The following OAS2 variants were observed in gnomAD, a reference collection of about 807,000 sequenced individuals.
OAS2 encodes the protein 2'-5'-oligoadenylate synthetase 2.
In OAS2, 67 loss-of-function variants were observed where a neutral mutation model predicts 71.3. The ratio of observed to expected loss-of-function variants is 0.94; its 90% CI spans 0.77 to 1.15. The LOEUF (loss-of-function observed/expected upper bound fraction) is 1.15, where lower values mean the gene tolerates loss of function less well. Ranked by LOEUF, OAS2 falls within the 50% of genes most tolerant of loss-of-function variation. The probability of loss-of-function intolerance (pLI) is 0.00; values close to 1 mark genes in which losing one functional copy is unlikely to be tolerated. For synonymous variants in OAS2, 327 were observed against 321.8 expected (o/e 1.02, Z -0.17); for missense variants, 789 against 822.5 (o/e 0.96, Z 0.50).
In OAS2 at chr12:112,987,318, G is replaced by A. The variant is rs372778921; in HGVS notation, c.448+10G>A. 1.2e-6 allele frequency: 2 copies of A among 1,613,974 alleles called. No homozygotes were observed. The highest frequency in any genetic ancestry group is 2.7e-5 in the African/African-American group (2 of 74,910). ...GCCTTCAACGCTCTGAGTAAGCATTGCTGGGTGTCAGGAGAGAAAAGCCAA... is the reference window on the plus strand; with the variant it reads ...GCCTTCAACGCTCTGAGTAAGCATTACTGGGTGTCAGGAGAGAAAAGCCAA... On this transcript the variant is annotated intron_variant, in intron 2 of 9. Transcript: ENST00000392583.
chr12:113,007,232 C>T (rs1227158404), intron 8 of OAS2, among the ~76,000 whole-genome samples: 1 of 152,216 alleles, frequency 6.6e-6, no homozygotes, highest in African/African-American at 2.4e-5. Context: ...TGTCCAGCTC[C>T]CTGAAATGTG....
intron 1 of OAS2, among the ~76,000 whole-genome samples, chr12:112,981,245 GT>G (rs1401330908): frequency 6.6e-6 from 1 of 151,700 alleles, no homozygotes; most frequent in East Asian, 1.9e-4. Context: ...TCTATTTTTT[GT>G]TTTTGTTGCC....
At chr12:112,987,477 T>G (rs1293766) in intron 2 of OAS2, 169 bp downstream of exon 2, 261,928 of 1,445,176 alleles carry the variant, frequency 0.18, 25,850 homozygotes, top group East Asian at 0.38. Flanking sequence ...CGCTCTCTTC[T>G]CTGGAACTAA....
rs1401415439 is a variant in OAS2, at chr12:113,011,347, C to A, written c.*2092C>A. 6.6e-6 allele frequency: 1 copy of A among 152,150 alleles called. No homozygotes were observed. The highest frequency in any genetic ancestry group is 1.5e-5 in the Non-Finnish European group (1 of 68,048). The allele number at this position is 152,150 out of a possible 1,614,324, so 9.4% of individuals were successfully genotyped here. ...TGCTAACAAGGTTACCCATGGTGGG[C>A]CCTTAGTTTCAAGGAAGGAGTTGGC... On this transcript the variant is annotated 3_prime_UTR_variant, in exon 10 of 10. Transcript: ENST00000392583.
In OAS2 at chr12:113,010,360, G is replaced by GT. The variant is rs2044369788; in HGVS notation, c.*1110dup. 2 of 1,608,752 alleles carry GT rather than the reference G, an allele frequency of 1.2e-6. No individual in the cohort carries two copies. Among genetic ancestry groups the GT allele is most frequent in the East Asian group, 4.5e-5 (2 of 44,768 alleles). ...TAGGAGACATTGCTCTCCCACGTAT[G>GT]TTTTTCTTTTTAGACAATGCAGACA... On this transcript the variant is annotated 3_prime_UTR_variant, in exon 10 of 10. Coordinates refer to ENST00000392583, the MANE Select transcript of OAS2 (RefSeq NM_002535.3).
chr12:112,992,675 G>C (rs2044202217), intron 2 of OAS2, among the ~76,000 whole-genome samples: 1 of 152,142 alleles, frequency 6.6e-6, no homozygotes, highest in African/African-American at 2.4e-5. Flanking sequence ...AGGTGGCCTG[G>C]CTTGGGGAAA....
intron 5 of OAS2, among the ~76,000 whole-genome samples, chr12:113,000,587 A>T (rs2044274973): frequency 6.6e-6 from 1 of 151,226 alleles, no homozygotes; most frequent in South Asian, 2.1e-4. Flanking sequence ...ACGCACACAC[A>T]TACATGCATA....
Position 113,007,695 on chromosome 12 carries a change from T to C in OAS2, c.1657-10T>C, listed in dbSNP as rs1314950644. 6.2e-6 allele frequency: 10 copies of C among 1,611,994 alleles called. No individual in the cohort carries two copies. The highest frequency in any genetic ancestry group is 1.1e-5 in the South Asian group (1 of 90,880). On this transcript the variant is annotated splice_polypyrimidine_tract_variant and intron_variant, in intron 8 of 9. Transcript: ENST00000392583. ...TAACCAGTTCGTCTGATGTTCCCACTCTTACCTAGTGTGAAAGGAAACTGA... is the reference window on the plus strand; with the variant it reads ...TAACCAGTTCGTCTGATGTTCCCACCCTTACCTAGTGTGAAAGGAAACTGA...
intron 2 of OAS2, among the ~76,000 whole-genome samples, chr12:112,994,221 C>T (rs2044216410): frequency 6.6e-6 from 1 of 152,088 alleles, no homozygotes; most frequent in Admixed American, 6.5e-5. Flanking sequence ...TTCTTCCCTG[C>T]TATATAGAAC....
chr12:112,988,345 G>A (rs757195422), intron 2 of OAS2: 7 of 481,726 alleles, frequency 1.5e-5, no homozygotes, highest in Admixed American at 6.4e-5. Flanking sequence ...ACACAGCCAC[G>A]TGGTGGAAGA....
In OAS2 at chr12:113,009,119, G is replaced by A; in HGVS notation, c.1928G>A (p.Gly643Asp). 6.2e-7 allele frequency: 1 copy of A among 1,613,938 alleles called. No individual in the cohort carries two copies. The highest frequency in any genetic ancestry group is 2.2e-5 in the East Asian group (1 of 44,890). ...ATCTTGGACCCAGCCGAACCCACAG[G>A]TGACGTGGGTGGAGGGGACCGTTGG... ...PVILDPAEPTGDVGGGDRWCW... is the reference protein window; with the variant it reads ...PVILDPAEPTDDVGGGDRWCW... Residue 643 changes from glycine to aspartate, a missense_variant, in exon 10 of 10, where the codon GGT (glycine) becomes GAT (aspartate). Gly to Asp is a moderately conservative substitution (Grantham distance 94). Coordinates refer to ENST00000392583, the MANE Select transcript of OAS2 (RefSeq NM_002535.3).
At chr12:113,007,613 A>G in intron 8 of OAS2, 92 bp from the exon 9 acceptor site, 1 of 1,014,274 alleles carries the variant, frequency 9.9e-7, no homozygotes, top group Non-Finnish European at 1.5e-6. Context: ...CCAGCACGAC[A>G]CTGTGACTCA....
At chr12:112,996,380 G>A (rs184947209) in intron 3 of OAS2, among the ~76,000 whole-genome samples, 114 of 152,230 alleles carry the variant, frequency 7.5e-4, no homozygotes, top group African/African-American at 2.4e-3. Context: ...ACATATATGC[G>A]TGTAAATATA....
chr12:112,989,405 A>G (rs1163045065), intron 2 of OAS2, among the ~76,000 whole-genome samples: 1 of 152,218 alleles, frequency 6.6e-6, no homozygotes, highest in African/African-American at 2.4e-5. Context: ...AATACATTTT[A>G]GGGAGACATG....
Position 112,997,438 on chromosome 12 carries a change from C to A in OAS2, c.628-82C>A. The A allele has an allele frequency of 4.3e-6, 5 of 1,149,450 alleles. No individual in the cohort carries two copies. The South Asian group carries it at 5.8e-5, about 13-fold the overall frequency. 71.2% of individuals were successfully genotyped at this position (1,149,450 alleles called of 1,614,324 possible). On this transcript the variant is annotated intron_variant, in intron 3 of 9. Transcript: ENST00000392583. ...GCAAAGGACAATGACTTCCTGTAGA[C>A]CTCTGGTTTCTTGATTTCAGATCCC... is the stretch of plus-strand genomic sequence containing the variant.
Position 112,987,107 on chromosome 12 carries a change from G to C in OAS2, c.247G>C (p.Asp83His), listed in dbSNP as rs186455313. Residue 83 changes from aspartate to histidine, a missense_variant, in exon 2 of 10, where the codon GAC (aspartate) becomes CAC (histidine). Physicochemically the swap from Asp to His is moderately conservative, Grantham distance 81. Transcript: ENST00000392583. ...TGGTACCCTTGTCCTCTTCTTCAGT[G>C]ACTTAAAACAATTCCAGGATCAGAA... ...SDGTLVLFFS[D>H]LKQFQDQKRS... 3.7e-6 allele frequency: 6 copies of C among 1,614,154 alleles called. No individual in the cohort carries two copies. Among genetic ancestry groups the C allele is most frequent in the Non-Finnish European group, 4.2e-6 (5 of 1,180,010 alleles).
intron 1 of OAS2, among the ~76,000 whole-genome samples, chr12:112,981,471 A>C (rs2044081995): frequency 6.6e-6 from 1 of 152,078 alleles, no homozygotes; most frequent in African/African-American, 2.4e-5. Flanking sequence ...TATTGAAGAG[A>C]GTATCCTTTC....
chr12:113,007,593 T>C (rs1299963778), intron 8 of OAS2, 112 bp from the exon 9 acceptor site: 1 of 826,824 alleles, frequency 1.2e-6, no homozygotes, highest in Non-Finnish European at 2.0e-6. Context: ...AGCTGCAGAG[T>C]GTGAGCACAC....
At chr12:113,000,465 G>A (rs2044272733) in intron 5 of OAS2, among the ~76,000 whole-genome samples, 1 of 145,938 alleles carries the variant, frequency 6.9e-6, no homozygotes. Flanking sequence ...CCAAACATTG[G>A]GGGCTCATGC....
Sources: gnomAD v4.1 joint callset for allele counts (sites outside exome capture counted in the v4.1 genomes callset) on GRCh38, gnomAD v4.1.1 for gene constraint, MANE v1.5 for transcripts, NCBI Gene and HGNC (gene_info 2026-07-23, HGNC 2026-07-21) for gene names.